The following FGF14 variants were observed in gnomAD, a reference collection of about 807,000 sequenced individuals.
The protein encoded by FGF14 is fibroblast growth factor homologous factor 4.
A neutral mutation model predicts 25.5 loss-of-function variants in FGF14; 5 were observed. The ratio of observed to expected loss-of-function variants is 0.20; its 90% CI spans 0.10 to 0.41. The LOEUF is 0.41. Ranked by LOEUF, FGF14 falls within the 10% of genes least tolerant of loss-of-function variation. FGF14 has a pLI of 1.00. For synonymous variants in FGF14, 138 were observed against 118.3 expected, an observed-to-expected ratio of 1.17 and a Z score of -1.08; for missense variants, 222 against 320.1, an observed-to-expected ratio of 0.69 and a Z score of 2.34.
chr13:102,210,479 T>A (rs140407484), intron 1 of FGF14, among the ~76,000 whole-genome samples: 5 of 152,296 alleles, frequency 3.3e-5, no homozygotes, highest in Non-Finnish European at 7.4e-5. Flanking sequence ...GTATTTAAAT[T>A]TGTGATATAA....
chr13:101,979,316 CAAAT>C (rs2038113440), intron 1 of FGF14, among the ~76,000 whole-genome samples: 2 of 152,186 alleles, frequency 1.3e-5, no homozygotes, highest in African/African-American at 2.4e-5. Context: ...GGTAAGTAAA[CAAAT>C]AAATGGGACT....
At chr13:102,174,895 G>T (rs899355264) in intron 1 of FGF14, among the ~76,000 whole-genome samples, 3 of 151,832 alleles carry the variant, frequency 2.0e-5, no homozygotes, top group African/African-American at 7.3e-5. Context: ...ATAAATCTGT[G>T]CATGTACTGC....
chr13:101,746,007 G>T (rs2036864564), intron 3 of FGF14, among the ~76,000 whole-genome samples: 1 of 152,040 alleles, frequency 6.6e-6, no homozygotes, highest in Non-Finnish European at 1.5e-5. Flanking sequence ...GATCAATTCA[G>T]CGGAGATGTG....
intron 1 of FGF14, among the ~76,000 whole-genome samples, chr13:102,377,820 A>C (rs1329536125): frequency 2.6e-5 from 4 of 152,146 alleles, no homozygotes; most frequent in East Asian, 1.9e-4. Context: ...ACAACAACAA[A>C]AAAATTCTAG....
intron 1 of FGF14, among the ~76,000 whole-genome samples, chr13:102,220,619 C>T (rs1485389596): frequency 6.6e-6 from 1 of 152,204 alleles, no homozygotes; most frequent in Non-Finnish European, 1.5e-5. Flanking sequence ...TATTTGATCA[C>T]GTTCTTGCTT....
At chr13:102,306,193 C>T (rs994092892) in intron 1 of FGF14, among the ~76,000 whole-genome samples, 2 of 152,174 alleles carry the variant, frequency 1.3e-5, no homozygotes, top group Non-Finnish European at 2.9e-5. Flanking sequence ...TACTGAGTGA[C>T]AGATTAGACA....
chr13:102,122,024 T>C (rs1290927425), intron 1 of FGF14, among the ~76,000 whole-genome samples: 2 of 152,206 alleles, frequency 1.3e-5, no homozygotes, highest in Non-Finnish European at 2.9e-5. Context: ...AAACCATCAA[T>C]GATTGAAATA....
chr13:102,108,204 T>G (rs2045024998), intron 1 of FGF14, among the ~76,000 whole-genome samples: 1 of 152,218 alleles, frequency 6.6e-6, no homozygotes, highest in Non-Finnish European at 1.5e-5. Context: ...TTATCTATTG[T>G]ATCAATTTTG....
chr13:101,977,369 A>C (rs1013318762), intron 1 of FGF14, among the ~76,000 whole-genome samples: 2 of 152,072 alleles, frequency 1.3e-5, no homozygotes, highest in African/African-American at 2.4e-5. Context: ...CATCTTTTCT[A>C]CTTCTCCCCC....
At chr13:101,901,392 A>G (rs1357514086) in intron 1 of FGF14, among the ~76,000 whole-genome samples, 1 of 152,066 alleles carries the variant, frequency 6.6e-6, no homozygotes, top group Non-Finnish European at 1.5e-5. Flanking sequence ...CCCCAAGTGA[A>G]GAGGGAGTCA....
intron 3 of FGF14, among the ~76,000 whole-genome samples, chr13:101,751,896 C>A (rs915589091): frequency 1.3e-5 from 2 of 151,972 alleles, no homozygotes; most frequent in Non-Finnish European, 2.9e-5. Flanking sequence ...GATGTGGAAA[C>A]CTTCTCTGGG....
chr13:101,854,731 G>T (rs1237216002), intron 3 of FGF14, among the ~76,000 whole-genome samples: 2 of 151,926 alleles, frequency 1.3e-5, no homozygotes, highest in East Asian at 3.9e-4. Context: ...TTTGAGCTGG[G>T]CATTTTCTCC....
chr13:102,235,204 T>C (rs2051274451), intron 1 of FGF14, among the ~76,000 whole-genome samples: 1 of 152,226 alleles, frequency 6.6e-6, no homozygotes, highest in Non-Finnish European at 1.5e-5. Context: ...GGGATCTATT[T>C]ATATTTTTCT....
rs925838476 is a variant in FGF14, at chr13:101,853,759, T to A, written c.408+14966A>T. Among the ~76,000 whole-genome samples the A allele has an allele frequency of 8.5e-4, 130 of 152,170 alleles. 1 individual carries two copies. Among genetic ancestry groups the A allele is most frequent in the African/African-American group, 3.0e-3 (125 of 41,554 alleles). Reference sequence around the variant, plus strand: ...GTGTGAGCCACCATGCATGGCCATATAAATATTTTGAATATTCCCACACAT... The same window carrying A: ...GTGTGAGCCACCATGCATGGCCATAAAAATATTTTGAATATTCCCACACAT... On this transcript the variant is annotated intron_variant, in intron 3 of 4. Transcript: ENST00000376143.
chr13:101,986,366 T>C (rs564662213), intron 1 of FGF14, among the ~76,000 whole-genome samples: 21 of 152,276 alleles, frequency 1.4e-4, no homozygotes, highest in African/African-American at 4.6e-4. Context: ...GACACAATAA[T>C]AGTTCAATAA....
At chr13:102,226,241 A>G (rs950109536) in intron 1 of FGF14, among the ~76,000 whole-genome samples, 2 of 152,162 alleles carry the variant, frequency 1.3e-5, no homozygotes, top group South Asian at 4.1e-4. Flanking sequence ...TATGATCCTA[A>G]GGTAGCCATC....
At chr13:101,737,869 T>C (rs1271055805) in intron 3 of FGF14, among the ~76,000 whole-genome samples, 1 of 152,148 alleles carries the variant, frequency 6.6e-6, no homozygotes, top group Admixed American at 6.5e-5. Flanking sequence ...TGTAAACTTT[T>C]CCTAATAAGA....
intron 3 of FGF14, among the ~76,000 whole-genome samples, chr13:101,825,737 CA>C (rs1338774790): frequency 1.3e-5 from 2 of 151,976 alleles, no homozygotes; most frequent in African/African-American, 4.8e-5. Context: ...GTAGATGGGG[CA>C]GGGGCTATTA....
intron 1 of FGF14, among the ~76,000 whole-genome samples, chr13:101,939,897 GA>G (rs2035333571): frequency 6.6e-6 from 1 of 152,160 alleles, no homozygotes; most frequent in African/African-American, 2.4e-5. Context: ...AAAAGTGAAA[GA>G]ACCATGATAT....
Sources: gnomAD v4.1 joint callset for allele counts (sites outside exome capture counted in the v4.1 genomes callset) on GRCh38, gnomAD v4.1.1 for gene constraint, MANE v1.5 for transcripts, NCBI Gene and HGNC (gene_info 2026-07-23, HGNC 2026-07-21) for gene names.